CTNNA2: variants seen among roughly 807,000 people sequenced by gnomAD.
CTNNA2 encodes catenin alpha-2.
CTNNA2 carries 42 observed loss-of-function variants against 101.0 expected under a neutral mutation model. That is an observed-to-expected ratio of 0.42 (90% CI 0.32 to 0.54). The LOEUF (loss-of-function observed/expected upper bound fraction) is 0.54, where lower values mean the gene tolerates loss of function less well. Among genes scored for constraint, CTNNA2 ranks in the 20% least tolerant of loss-of-function variants. The pLI is 0.14. For synonymous variants in CTNNA2, 450 were observed against 456.4 expected (o/e 0.99, Z 0.18); for missense variants, 871 against 1,223.1 (o/e 0.71, Z 4.29).
chr2:79,527,764 A>G (rs939843957), intron 1 of CTNNA2, among the ~76,000 whole-genome samples: 3 of 152,332 alleles, frequency 2.0e-5, no homozygotes, highest in African/African-American at 7.2e-5. Flanking sequence ...GTAGTTTCTC[A>G]AAAAGTTAAA....
intron 7 of CTNNA2, among the ~76,000 whole-genome samples, chr2:80,348,837 C>A (rs1038325983): frequency 6.6e-6 from 1 of 152,002 alleles, no homozygotes; most frequent in South Asian, 2.1e-4. Context: ...TTGTTAGGTG[C>A]GCTGGGTAGG....
At chr2:79,455,605 AT>A (rs1670813315) in intron 4 of CTNNA2, among the ~76,000 whole-genome samples, 1 of 152,166 alleles carries the variant, frequency 6.6e-6, no homozygotes, top group Non-Finnish European at 1.5e-5. Context: ...TTGCAAACAT[AT>A]TTTTAAATGC....
At chr2:80,412,934 A>T (rs867211419) in intron 8 of CTNNA2, among the ~76,000 whole-genome samples, 1 of 152,210 alleles carries the variant, frequency 6.6e-6, no homozygotes, top group African/African-American at 2.4e-5. Context: ...ATGGTGTCCA[A>T]CGTCCATTGG....
intron 4 of CTNNA2, among the ~76,000 whole-genome samples, chr2:79,428,105 A>C (rs539692061): frequency 6.6e-6 from 1 of 151,814 alleles, no homozygotes; most frequent in Admixed American, 6.6e-5. Context: ...CTTAAGGCAG[A>C]TCTTTTTATT....
intron 2 of CTNNA2, among the ~76,000 whole-genome samples, chr2:79,251,144 G>C (rs1674765911): frequency 6.6e-6 from 1 of 152,130 alleles, no homozygotes; most frequent in African/African-American, 2.4e-5. Flanking sequence ...ATGCCACCAA[G>C]GCCCCAGATG....
At chr2:80,240,549 G>T (rs1670852125) in intron 7 of CTNNA2, among the ~76,000 whole-genome samples, 2 of 152,150 alleles carry the variant, frequency 1.3e-5, no homozygotes, top group Admixed American at 6.6e-5. Context: ...GGCTCCCATG[G>T]TACATTAACA....
chr2:79,311,489 C>G lies in CTNNA2; in HGVS notation c.-405-1220C>G, dbSNP rs116181967. Among the ~76,000 whole-genome samples, 1,362 of 151,422 alleles carry G rather than the reference C, an allele frequency of 9.0e-3. 7 individuals are homozygous for G. Among genetic ancestry groups the G allele is most frequent in the Non-Finnish European group, 0.015 (994 of 67,906 alleles). Reference sequence around the variant, plus strand: ...GTTTGGTGCTAATGCTCTACAATCACCTGTCACTATTGGTCAGAATGTGAA... The same window carrying G: ...GTTTGGTGCTAATGCTCTACAATCAGCTGTCACTATTGGTCAGAATGTGAA... On this transcript the variant is annotated intron_variant, in intron 2 of 21. Transcript: ENST00000466387.
intron 3 of CTNNA2, among the ~76,000 whole-genome samples, chr2:79,317,146 C>G (rs1298003586): frequency 1.3e-5 from 2 of 151,916 alleles, no homozygotes; most frequent in Non-Finnish European, 2.9e-5. Context: ...AAATGCTCTT[C>G]CTGCATCTAT....
At chr2:79,430,019 G>A (rs1678639304) in intron 4 of CTNNA2, among the ~76,000 whole-genome samples, 1 of 152,050 alleles carries the variant, frequency 6.6e-6, no homozygotes, top group Non-Finnish European at 1.5e-5. Context: ...CAACAAATAT[G>A]AGAGGTAAAA....
chr2:80,028,103 C>T (rs542610931), intron 7 of CTNNA2: 1 of 148,854 alleles, frequency 6.7e-6, no homozygotes, highest in Non-Finnish European at 1.5e-5. Flanking sequence ...CAAGATAAAA[C>T]TATTTACTGA....
intron 7 of CTNNA2, among the ~76,000 whole-genome samples, chr2:80,090,190 TTGTG>T (rs1699711079): frequency 9.9e-6 from 1 of 101,470 alleles, no homozygotes; most frequent in African/African-American, 3.6e-5. Flanking sequence ...GTGTGTGTGT[TTGTG>T]TGTATGCATG....
intron 9 of CTNNA2, among the ~76,000 whole-genome samples, chr2:80,444,274 C>T (rs1288300708): frequency 6.6e-6 from 1 of 152,086 alleles, no homozygotes; most frequent in African/African-American, 2.4e-5. Context: ...ATTAATTAGG[C>T]CATGAAGAAC....
chr2:79,640,260 C>T (rs1680362706), intron 1 of CTNNA2, among the ~76,000 whole-genome samples: 1 of 151,962 alleles, frequency 6.6e-6, no homozygotes. Context: ...GAGGTTGGGA[C>T]CTGAGAGGGT....
At chr2:80,633,430 TG>T (rs1672499963) in intron 18 of CTNNA2, among the ~76,000 whole-genome samples, 1 of 152,188 alleles carries the variant, frequency 6.6e-6, no homozygotes, top group Non-Finnish European at 1.5e-5. Flanking sequence ...ATTGGGAGTT[TG>T]TACAACTTTT....
At chr2:80,450,656 A>G (rs1464645251) in intron 9 of CTNNA2, among the ~76,000 whole-genome samples, 3 of 152,132 alleles carry the variant, frequency 2.0e-5, no homozygotes, top group Non-Finnish European at 4.4e-5. Context: ...CTCCTTTTTT[A>G]CAAAACCAAA....
intron 7 of CTNNA2, among the ~76,000 whole-genome samples, chr2:80,351,537 T>C (rs1418395643): frequency 2.0e-5 from 3 of 152,174 alleles, no homozygotes. Flanking sequence ...TGGTGAATTA[T>C]ATTTTTAGAG....
At chr2:80,116,176 C>A (rs1701506192) in intron 7 of CTNNA2, among the ~76,000 whole-genome samples, 1 of 151,984 alleles carries the variant, frequency 6.6e-6, no homozygotes, top group Non-Finnish European at 1.5e-5. Context: ...ACAGCCACTA[C>A]ATAAACAAGT....
At chr2:80,102,634 T>C (rs1700612871) in intron 7 of CTNNA2, among the ~76,000 whole-genome samples, 1 of 152,192 alleles carries the variant, frequency 6.6e-6, no homozygotes, top group Non-Finnish European at 1.5e-5. Context: ...TGCCTCAGCC[T>C]CCTGAGTAGT....
At chr2:79,233,762 T>A (rs1674524451) in intron 2 of CTNNA2, among the ~76,000 whole-genome samples, 1 of 152,148 alleles carries the variant, frequency 6.6e-6, no homozygotes, top group Admixed American at 6.6e-5. Flanking sequence ...GTTTAAGATG[T>A]TAAACCTTCT....
Sources: gnomAD v4.1 joint callset for allele counts (sites outside exome capture counted in the v4.1 genomes callset) on GRCh38, gnomAD v4.1.1 for gene constraint, MANE v1.5 for transcripts, NCBI Gene and HGNC (gene_info 2026-07-23, HGNC 2026-07-21) for gene names.